Variants in PCBP3 observed in about 807,000 individuals in gnomAD.
PCBP3 encodes the protein poly(rC) binding protein 3, also known as poly(rC)-binding protein 3.
PCBP3 carries 25 observed loss-of-function variants against 52.7 expected under a neutral mutation model. The ratio of observed to expected loss-of-function variants is 0.47; its 90% CI spans 0.35 to 0.66. The LOEUF (loss-of-function observed/expected upper bound fraction) is 0.66, where lower values mean the gene tolerates loss of function less well. PCBP3 is among the 30% of genes least tolerant of loss of function. The pLI is 0.01. For missense variants in PCBP3, 391 were observed against 490.3 expected (o/e 0.80, Z 1.91); for synonymous variants, 162 against 183.0 (o/e 0.89, Z 0.93).
At chr21:45,659,312 A>G (rs1327340132) in intron 1 of PCBP3, among the ~76,000 whole-genome samples, 2 of 111,310 alleles carry the variant, frequency 1.8e-5, no homozygotes, top group Admixed American at 1.7e-4. Flanking sequence ...ATAAGTTTTG[A>G]TATGTTGTGC....
intron 4 of PCBP3, among the ~76,000 whole-genome samples, chr21:45,835,057 CG>C (rs1327998693): frequency 1.3e-5 from 2 of 152,202 alleles, no homozygotes; most frequent in African/African-American, 4.8e-5. Context: ...TCTGCTGACA[CG>C]GGGGCTGCTC....
At chr21:45,894,537 T>A (rs1569458236) in intron 5 of PCBP3, among the ~76,000 whole-genome samples, 2 of 152,194 alleles carry the variant, frequency 1.3e-5, no homozygotes, top group Non-Finnish European at 2.9e-5. Context: ...TTTGAACTGA[T>A]ACTCTGCTCT....
intron 2 of PCBP3, among the ~76,000 whole-genome samples, chr21:45,691,410 T>C (rs1202142514): frequency 7.0e-6 from 1 of 143,754 alleles, no homozygotes; most frequent in African/African-American, 2.6e-5. Context: ...CTCATATATA[T>C]ATTATATATA....
intron 9 of PCBP3, 66 bp from the exon 10 acceptor site, chr21:45,909,289 C>G: frequency 6.5e-7 from 1 of 1,535,028 alleles, no homozygotes; most frequent in Non-Finnish European, 8.8e-7. Context: ...GGACACACCC[C>G]CTGCCCTCCT....
chr21:45,682,918 T>G (rs1465675846), intron 2 of PCBP3, among the ~76,000 whole-genome samples: 1 of 151,696 alleles, frequency 6.6e-6, no homozygotes, highest in African/African-American at 2.4e-5. Context: ...CTATTTAGAG[T>G]CATGAAACCA....
chr21:45,933,269 C>A (rs1260403880), intron 15 of PCBP3, among the ~76,000 whole-genome samples: 2 of 152,252 alleles, frequency 1.3e-5, no homozygotes, highest in Non-Finnish European at 2.9e-5. Flanking sequence ...ATCAGCCATG[C>A]TCTCCTGAGA....
intron 5 of PCBP3, among the ~76,000 whole-genome samples, chr21:45,855,077 G>A (rs2094219285): frequency 6.6e-6 from 1 of 152,152 alleles, no homozygotes; most frequent in South Asian, 2.1e-4. Flanking sequence ...GCCAGGAATG[G>A]CCAAGGGGGT....
At chr21:45,875,370 A>T (rs1356085986) in intron 5 of PCBP3, among the ~76,000 whole-genome samples, 3 of 152,332 alleles carry the variant, frequency 2.0e-5, no homozygotes, top group Admixed American at 2.0e-4. Context: ...TATCTTTTCC[A>T]GTAAACTGTG....
intron 2 of PCBP3, among the ~76,000 whole-genome samples, chr21:45,702,745 A>G (rs2083209239): frequency 6.6e-6 from 1 of 152,176 alleles, no homozygotes; most frequent in African/African-American, 2.4e-5. Context: ...AAATAAGACA[A>G]CACTAAAGTT....
intron 4 of PCBP3, among the ~76,000 whole-genome samples, chr21:45,777,742 C>CTAGAACTGAAG (rs2090356156): frequency 6.6e-6 from 1 of 151,854 alleles, no homozygotes; most frequent in Admixed American, 6.5e-5. Flanking sequence ...AATGAATCTT[C>CTAGAACTGAAG]AGTTCTAGAA....
intron 2 of PCBP3, among the ~76,000 whole-genome samples, chr21:45,671,891 T>C (rs1366239617): frequency 5.9e-5 from 9 of 152,140 alleles, no homozygotes; most frequent in Non-Finnish European, 1.3e-4. Context: ...TTTCACCTTC[T>C]ATTCTGGGAG....
intron 1 of PCBP3, among the ~76,000 whole-genome samples, chr21:45,648,664 G>A (rs371458035): frequency 3.9e-5 from 6 of 152,298 alleles, no homozygotes; most frequent in East Asian, 3.9e-4. Flanking sequence ...CTAATCCTTC[G>A]TAGCTTCAGA....
chr21:45,805,048 A>G lies in PCBP3; in HGVS notation c.-125-44913A>G, dbSNP rs1468459860. Among the ~76,000 whole-genome samples the G allele has an allele frequency of 6.6e-6, 1 of 152,138 alleles. No individual in the cohort carries two copies. Among genetic ancestry groups the G allele is most frequent in the Non-Finnish European group, 1.5e-5 (1 of 68,020 alleles). ...GCTGTGACCGCCTGATCCCGTGGTG[A>G]TGGCACAGCCCTGCTGTGGGGAGAG... On this transcript the variant is annotated intron_variant, in intron 4 of 17. Coordinates refer to ENST00000681687, the MANE Select transcript of PCBP3 (RefSeq NM_001384156.1). The surrounding 1 kb of genome is among the most constrained non-coding windows in gnomAD (Gnocchi z 4.6).
At chr21:45,824,334 T>G (rs780246744) in intron 4 of PCBP3, among the ~76,000 whole-genome samples, 3 of 152,234 alleles carry the variant, frequency 2.0e-5, no homozygotes, top group Non-Finnish European at 4.4e-5. Context: ...TCTCATTCCC[T>G]TCTTTTTCTA....
chr21:45,773,867 A>T (rs907530513), intron 4 of PCBP3, among the ~76,000 whole-genome samples: 2 of 152,226 alleles, frequency 1.3e-5, no homozygotes, highest in African/African-American at 4.8e-5. Context: ...GTATCCACGA[A>T]CATGGGATGC....
chr21:45,804,567 C>T (rs899896616), intron 4 of PCBP3, among the ~76,000 whole-genome samples: 2 of 152,072 alleles, frequency 1.3e-5, no homozygotes. Flanking sequence ...ATTCTGCACC[C>T]CCCTGACCCT....
intron 17 of PCBP3, among the ~76,000 whole-genome samples, chr21:45,941,173 G>A (rs760454343): frequency 1.4e-4 from 22 of 152,238 alleles, no homozygotes; most frequent in Non-Finnish European, 2.5e-4. Context: ...CCATGGGCAG[G>A]AGGCTGGGCA....
chr21:45,839,072 T>G lies in PCBP3; in HGVS notation c.-125-10889T>G, dbSNP rs77065212. ...TGCATACATGAATTCTTCAACTTAG[T>G]AAACTTTTCCTCCATGTTCATATTT... On this transcript the variant is annotated intron_variant, in intron 4 of 17. Transcript: ENST00000681687. Among the ~76,000 whole-genome samples the G allele has an allele frequency of 4.9e-3, 741 of 152,352 alleles. 4 individuals carry two copies. The highest frequency in any genetic ancestry group is 0.017 in the African/African-American group (690 of 41,588).
rs546315425 is a variant in PCBP3 at position 45,850,069 on chromosome 21, A to T, written c.-17A>T. The T allele has an allele frequency of 3.7e-5, 57 of 1,549,774 alleles. No individual in the cohort carries two copies. The East Asian group carries it at 1.3e-3, about 36-fold the overall frequency. On this transcript the variant is annotated 5_prime_UTR_variant, in exon 5 of 18. The change abolishes the stop of an existing upstream ORF in the 5' untranslated region. Transcript: ENST00000681687. ...CTTTGCTGTCTATGGATCTGCTCTA[A>T]ACCTTATAGCCTGCTTATGGGGGAA...
Sources: gnomAD v4.1 joint callset for allele counts (sites outside exome capture counted in the v4.1 genomes callset) on GRCh38, gnomAD v4.1.1 for gene constraint, Gnocchi (gnomAD v3.1) non-coding constraint, MANE v1.5 for transcripts, NCBI Gene and HGNC (gene_info 2026-07-23, HGNC 2026-07-21) for gene names.